The following COL4A2 variants were observed in gnomAD, a reference collection of about 807,000 sequenced individuals.
COL4A2 encodes collagen type IV alpha 2 chain, also known as collagen alpha-2(IV) chain.
In COL4A2, 99 loss-of-function variants were observed where a neutral mutation model predicts 200.2. The observed-to-expected ratio is 0.49, with a 90% CI of 0.42 to 0.58. The LOEUF is 0.58. Ranked by LOEUF, COL4A2 falls within the 20% of genes least tolerant of loss-of-function variation. The pLI is 0.00. For missense variants in COL4A2, 1,950 were observed against 2,314.1 expected (o/e 0.84, Z 3.23); for synonymous variants, 897 against 900.6 (o/e 1.00, Z 0.07).
At chr13:110,480,445 A>G (rs1284707937) in intron 31 of COL4A2, 55 bp downstream of exon 31, 8 of 1,532,262 alleles carry the variant, frequency 5.2e-6, no homozygotes, top group African/African-American at 2.8e-5. Flanking sequence ...GGTCTAATCA[A>G]CTCTGACCTG....
chr13:110,425,276 C>A, intron 6 of COL4A2, among the ~76,000 whole-genome samples: 1 of 152,246 alleles, frequency 6.6e-6, no homozygotes, highest in Non-Finnish European at 1.5e-5. Flanking sequence ...TCCAGATACT[C>A]GCCCTAAAGA....
rs80209119 is a variant in COL4A2 at position 110,343,630 on chromosome 13, T to C, written c.100-13842T>C. On this transcript the variant is annotated intron_variant, in intron 3 of 47. Coordinates refer to ENST00000360467, the MANE Select transcript of COL4A2 (RefSeq NM_001846.4). ...GCCCCTGGGACTTTGATGGTCAAGT[T>C]TGCAAAGATAAAGCTGCAGGCACCT... Among the ~76,000 whole-genome samples the C allele has an allele frequency of 4.5e-4, 68 of 152,328 alleles. No individual in the cohort carries two copies. The East Asian group carries it at 0.013, about 28-fold the overall frequency.
At chr13:110,367,250 TAAAGAA>T (rs1877797102) in intron 4 of COL4A2, among the ~76,000 whole-genome samples, 1 of 152,138 alleles carries the variant, frequency 6.6e-6, no homozygotes, top group Non-Finnish European at 1.5e-5. Context: ...GAACCAGAAA[TAAAGAA>T]AAAGAACAAA....
chr13:110,386,013 G>GGATGGGCCGTGGTTACAGTGTGTC lies in COL4A2; in HGVS notation c.180+28484_180+28485insCGATGGGCCGTGGTTACAGTGTGT, dbSNP rs1566505792. ...TGGATGGGCCGTGGTCACAGCGTGTGGATGGGCCGTGGTTACAGTGTGTGG... is the reference window on the plus strand; with the variant it reads ...TGGATGGGCCGTGGTCACAGCGTGTGGATGGGCCGTGGTTACAGTGTGTCGATGGGCCGTGGTTACAGTGTGTGG... On this transcript the variant is annotated intron_variant, in intron 4 of 47. Transcript: ENST00000360467. Among the ~76,000 whole-genome samples the GGATGGGCCGTGGTTACAGTGTGTC allele has an allele frequency of 9.1e-5, 13 of 142,670 alleles. 2 individuals carry two copies. The highest frequency in any genetic ancestry group is 3.7e-4 in the African/African-American group (13 of 34,846). The allele number at this position is 142,670 out of a possible 152,430, so 93.6% of individuals were successfully genotyped here.
Position 110,465,512 on chromosome 13 carries a change from C to CA in COL4A2, c.1887dup (p.Gly630ArgfsTer33), listed in dbSNP as rs1211188983. 6.2e-7 allele frequency: 1 copy of CA among 1,614,024 alleles called. No individual in the cohort carries two copies. The highest frequency in any genetic ancestry group is 8.5e-7 in the Non-Finnish European group (1 of 1,180,024). ...CCCCAGGACTGGGCCTTCCCGGCCT[C>CA]AAAGGCCAACGTGGTTTCCCTGGAG... On this transcript the variant is annotated frameshift_variant, in exon 25 of 48. Coordinates refer to ENST00000360467, the MANE Select transcript of COL4A2 (RefSeq NM_001846.4). LOFTEE classifies it high-confidence loss of function.
chr13:110,436,709 G>A (rs902470303), intron 13 of COL4A2, among the ~76,000 whole-genome samples: 4 of 152,192 alleles, frequency 2.6e-5, no homozygotes, highest in Non-Finnish European at 2.9e-5. Context: ...TCATGGAACT[G>A]TCTAGCAAAA....
intron 3 of COL4A2, among the ~76,000 whole-genome samples, chr13:110,352,933 C>T (rs374766273): frequency 2.0e-4 from 30 of 152,174 alleles, no homozygotes; most frequent in East Asian, 7.7e-4. Flanking sequence ...ACGTTCCACA[C>T]CTGCAGTAGG....
At chr13:110,474,610 G>A (rs1312143472) in intron 29 of COL4A2, among the ~76,000 whole-genome samples, 1 of 152,014 alleles carries the variant, frequency 6.6e-6, no homozygotes, top group Non-Finnish European at 1.5e-5. Context: ...GCTCACACAT[G>A]ATCACATACA....
intron 28 of COL4A2, among the ~76,000 whole-genome samples, 197 bp from the exon 29 acceptor site, chr13:110,472,732 A>C (rs1882527312): frequency 6.6e-6 from 1 of 152,166 alleles, no homozygotes; most frequent in Non-Finnish European, 1.5e-5. Flanking sequence ...GGCAAGCAGA[A>C]GAAACATAAC....
chr13:110,458,737 G>A (rs752465136), intron 21 of COL4A2, 34 bp from the exon 22 acceptor site: 18 of 1,612,574 alleles, frequency 1.1e-5, no homozygotes, highest in East Asian at 2.2e-5. Flanking sequence ...AGAGGAATGC[G>A]GAACAAGGAG....
chr13:110,359,523 T>C (rs1877428315), intron 4 of COL4A2, among the ~76,000 whole-genome samples: 1 of 152,220 alleles, frequency 6.6e-6, no homozygotes, highest in South Asian at 2.1e-4. Flanking sequence ...CTTCCCTGAA[T>C]TGCCCTGATG....
At chr13:110,421,416 G>A (rs2139450181) in intron 4 of COL4A2, among the ~76,000 whole-genome samples, 1 of 152,348 alleles carries the variant, frequency 6.6e-6, no homozygotes, top group South Asian at 2.1e-4. Flanking sequence ...ATATTATTCA[G>A]CCATCAGTGA....
At chr13:110,493,410 C>A in intron 39 of COL4A2, 128 bp downstream of exon 39, 3 of 956,386 alleles carry the variant, frequency 3.1e-6, no homozygotes, top group Non-Finnish European at 4.8e-6. Flanking sequence ...TCCTGAAGTG[C>A]TATGCGATCG....
chr13:110,409,811 G>A (rs79698999), intron 4 of COL4A2, among the ~76,000 whole-genome samples: 1 of 152,150 alleles, frequency 6.6e-6, no homozygotes, highest in Non-Finnish European at 1.5e-5. Context: ...TGTGTGTTCA[G>A]CATTCGCCCA....
At chr13:110,476,993 C>T (rs1038435009) in intron 29 of COL4A2, among the ~76,000 whole-genome samples, 11 of 152,122 alleles carry the variant, frequency 7.2e-5, no homozygotes, top group East Asian at 5.8e-4. Flanking sequence ...AAGGAAAATT[C>T]GTCAGTGTAT....
chr13:110,404,222 A>G (rs991673800), intron 4 of COL4A2, among the ~76,000 whole-genome samples: 5 of 152,346 alleles, frequency 3.3e-5, no homozygotes, highest in Admixed American at 6.5e-5. Flanking sequence ...ATTTAGATTT[A>G]TTTTAGTATT....
chr13:110,467,691 C>G (rs1399995125), intron 27 of COL4A2, among the ~76,000 whole-genome samples: 1 of 152,222 alleles, frequency 6.6e-6, no homozygotes, highest in Non-Finnish European at 1.5e-5. Flanking sequence ...CACTGCCGTC[C>G]CGCCTGCGCT....
intron 4 of COL4A2, among the ~76,000 whole-genome samples, chr13:110,367,831 C>T (rs911362683): frequency 1.4e-4 from 21 of 152,234 alleles, no homozygotes; most frequent in African/African-American, 5.1e-4. Flanking sequence ...GATCTTATAC[C>T]CTCAGGCAGC....
intron 34 of COL4A2, among the ~76,000 whole-genome samples, chr13:110,487,592 G>A (rs1883155981): frequency 6.6e-6 from 1 of 152,204 alleles, no homozygotes; most frequent in Non-Finnish European, 1.5e-5. Flanking sequence ...AATGAACGTG[G>A]TATATTCTAA....
Sources: allele counts gnomAD v4.1 joint callset (sites outside exome capture counted in the v4.1 genomes callset), GRCh38; gene constraint gnomAD v4.1.1; transcripts MANE v1.5; gene names NCBI Gene and HGNC (gene_info 2026-07-23, HGNC 2026-07-21).